CSMD1: variants seen among roughly 807,000 people sequenced by gnomAD.
The protein encoded by CSMD1 is CUB and sushi domain-containing protein 1.
In CSMD1, 213 loss-of-function variants were observed where a neutral mutation model predicts 417.5. The observed-to-expected ratio is 0.51, with a 90% CI of 0.46 to 0.57. The LOEUF (loss-of-function observed/expected upper bound fraction) is 0.57. CSMD1 is among the 20% of genes least tolerant of loss of function. CSMD1 has a pLI of 0.00. For synonymous variants in CSMD1, 2,862 were observed against 1,736.8 expected (o/e 1.65, Z -16.11); for missense variants, 6,923 against 4,529.7 (o/e 1.53, Z -15.17).
chr8:4,258,914 A>G (rs148741663), intron 3 of CSMD1, among the ~76,000 whole-genome samples: 375 of 152,298 alleles, frequency 2.5e-3, no homozygotes, highest in African/African-American at 8.6e-3. Flanking sequence ...CTTTGTTCTA[A>G]GACTATGTTA....
intron 3 of CSMD1, among the ~76,000 whole-genome samples, chr8:4,197,676 T>C (rs1799418312): frequency 6.6e-6 from 1 of 152,158 alleles, no homozygotes; most frequent in Admixed American, 6.5e-5. Context: ...GCCAGGAGTT[T>C]GAGGCCAGCT....
intron 3 of CSMD1, among the ~76,000 whole-genome samples, chr8:4,415,140 C>G (rs566429982): frequency 8.5e-4 from 129 of 152,156 alleles, no homozygotes; most frequent in Non-Finnish European, 1.5e-3. Context: ...AATTTTCTAC[C>G]CTTCAGATAG....
intron 3 of CSMD1, among the ~76,000 whole-genome samples, chr8:4,366,396 T>C (rs188682705): frequency 6.2e-4 from 94 of 152,314 alleles, no homozygotes; most frequent in Non-Finnish European, 1.3e-3. Context: ...AACATATGCA[T>C]GCACGTGTCT....
chr8:3,212,568 G>A (rs1035117445), intron 30 of CSMD1, among the ~76,000 whole-genome samples: 3 of 152,016 alleles, frequency 2.0e-5, no homozygotes, highest in African/African-American at 7.2e-5. Context: ...TGCTCAGGCT[G>A]GTCTCAAACT....
rs771226247 is a variant in CSMD1, at chr8:3,142,528, T to A, written c.6178A>T (p.Thr2060Ser). The change falls in exon 41 of 70, where the codon ACC becomes TCC. Residue 2060 changes from threonine to serine, a missense_variant. Physicochemically the swap from Thr to Ser is moderately conservative, Grantham distance 58 (BLOSUM62 1). Transcript: ENST00000635120. ...TGGTCACTATAAAAGTGGATGAGGG[T>A]TTCATGCGTTGTGCTCAGCAGGGCC... is the stretch of plus-strand genomic sequence containing the variant. The part of the protein sequence containing the change: ...PAALLSTTHE[T>S]LIHFYSDHSQ... 2 of 1,613,802 alleles carry A rather than the reference T, an allele frequency of 1.2e-6. No individual in the cohort carries two copies. Among genetic ancestry groups the A allele is most frequent in the African/African-American group, 1.3e-5 (1 of 74,904 alleles).
intron 7 of CSMD1, among the ~76,000 whole-genome samples, chr8:3,628,417 G>C (rs1469859050): frequency 6.6e-6 from 1 of 152,188 alleles, no homozygotes; most frequent in African/African-American, 2.4e-5. Context: ...GGCCCAAATA[G>C]GGCAAGGCTT....
chr8:4,356,185 A>T lies in CSMD1; in HGVS notation c.415+63768T>A, dbSNP rs77031360. 3.5e-3 allele frequency among the ~76,000 whole-genome samples: 527 copies of T among 152,266 alleles called. 26 individuals are homozygous for T. In the East Asian group the frequency reaches 0.088, roughly 26 times the overall value. On this transcript the variant is annotated intron_variant, in intron 3 of 69. Transcript: ENST00000635120. ...GCATCCTTATAGCTTAACTGCCACA[A>T]ATCAGTGGGAAGATACAATGTTTGG...
At chr8:4,233,861 A>T (rs1801886720) in intron 3 of CSMD1, among the ~76,000 whole-genome samples, 1 of 151,884 alleles carries the variant, frequency 6.6e-6, no homozygotes, top group South Asian at 2.1e-4. Context: ...AAAGAATCTA[A>T]TCCTGAGAAT....
At chr8:4,181,023 A>G (rs1227686629) in intron 3 of CSMD1, among the ~76,000 whole-genome samples, 5 of 152,190 alleles carry the variant, frequency 3.3e-5, no homozygotes, top group Admixed American at 6.5e-5. Flanking sequence ...AAAAAAGTCC[A>G]GCTGAAAAAT....
chr8:3,928,954 G>A (rs541324316), intron 5 of CSMD1, among the ~76,000 whole-genome samples: 2 of 150,562 alleles, frequency 1.3e-5, no homozygotes, highest in South Asian at 4.3e-4. Context: ...AATGAATGCT[G>A]TGGTTTTGTG....
chr8:3,673,339 A>G (rs990414969), intron 7 of CSMD1, among the ~76,000 whole-genome samples: 2 of 152,236 alleles, frequency 1.3e-5, no homozygotes, highest in African/African-American at 2.4e-5. Context: ...CAAGTACTGA[A>G]CAAAAGAATT....
intron 3 of CSMD1, among the ~76,000 whole-genome samples, chr8:4,238,715 T>A (rs1802213867): frequency 1.3e-5 from 2 of 152,138 alleles, no homozygotes; most frequent in Admixed American, 6.5e-5. Flanking sequence ...TTGGGGCAGG[T>A]CAATATTATC....
At chr8:3,785,381 C>G (rs936865121) in intron 5 of CSMD1, among the ~76,000 whole-genome samples, 3 of 152,142 alleles carry the variant, frequency 2.0e-5, no homozygotes, top group Non-Finnish European at 2.9e-5. Context: ...CATTCCACAC[C>G]TGGCCATCAA....
intron 7 of CSMD1, among the ~76,000 whole-genome samples, chr8:3,648,265 C>T (rs1412026441): frequency 6.6e-6 from 1 of 152,240 alleles, no homozygotes; most frequent in Non-Finnish European, 1.5e-5. Flanking sequence ...TTATTTTCCT[C>T]TTTTCTCTAG....
chr8:4,025,332 G>A (rs943850393), intron 4 of CSMD1, among the ~76,000 whole-genome samples: 2 of 152,146 alleles, frequency 1.3e-5, no homozygotes, highest in African/African-American at 4.8e-5. Context: ...CAGTCAGGAA[G>A]AATACCTTGT....
At position 3,616,660 on chromosome 8, in the gene CSMD1, A is replaced by T. The variant is rs762180294; in HGVS notation, c.1097+50T>A. The stretch of plus-strand genomic sequence containing the variant: ...AAATTTAACTGCAAGCTGAAATAAT[A>T]TATGTCTTAAAAATAACATGCTTTT... On this transcript the variant is annotated intron_variant, in intron 8 of 69. Coordinates refer to ENST00000635120, the MANE Select transcript of CSMD1 (RefSeq NM_033225.6). 2.5e-6 allele frequency: 3 copies of T among 1,184,354 alleles called. No individual in the cohort carries two copies. In the African/African-American group the frequency reaches 4.5e-5, roughly 18 times the overall value. 73.4% of individuals were successfully genotyped at this position (1,184,354 alleles called of 1,614,324 possible). A position where few individuals can be genotyped will look rare whatever the true frequency, so the allele number is the denominator to read the frequency against.
At chr8:4,694,070 C>T (rs763598907) in intron 1 of CSMD1, among the ~76,000 whole-genome samples, 1 of 152,130 alleles carries the variant, frequency 6.6e-6, no homozygotes, top group Non-Finnish European at 1.5e-5. Context: ...TGCCTCCCAT[C>T]CTATTCCAAA....
rs143304336 is a variant in CSMD1 at position 3,824,763 on chromosome 8, G to A, written c.819-70721C>T. Among the ~76,000 whole-genome samples, 352 of 152,074 alleles carry A rather than the reference G, an allele frequency of 2.3e-3. 1 individual carries two copies. The highest frequency in any genetic ancestry group is 8.1e-3 in the African/African-American group (337 of 41,478). The stretch of plus-strand genomic sequence containing the variant: ...AAAATGAGATGTGGCTCACATTGGT[G>A]GCTCACAATATATTGGACAGCAGAG... On this transcript the variant is annotated intron_variant, in intron 5 of 69. Coordinates refer to ENST00000635120, the MANE Select transcript of CSMD1 (RefSeq NM_033225.6).
At chr8:4,417,215 G>A (rs1259001391) in intron 3 of CSMD1, among the ~76,000 whole-genome samples, 3 of 151,920 alleles carry the variant, frequency 2.0e-5, no homozygotes, top group African/African-American at 7.2e-5. Flanking sequence ...TGTTCCCACT[G>A]GATTTCCAGA....
Sources: gnomAD v4.1 joint callset for allele counts (sites outside exome capture counted in the v4.1 genomes callset) on GRCh38, gnomAD v4.1.1 for gene constraint, MANE v1.5 for transcripts, NCBI Gene and HGNC (gene_info 2026-07-23, HGNC 2026-07-21) for gene names.